The following PAK5 variants were observed in gnomAD, a reference collection of about 807,000 sequenced individuals.
PAK5 encodes the protein p21 (RAC1) activated kinase 5, also known as serine/threonine-protein kinase PAK 5.
PAK5 carries 16 observed loss-of-function variants against 65.9 expected under a neutral mutation model. The observed-to-expected ratio is 0.24, with a 90% confidence interval of 0.16 to 0.37. The LOEUF (loss-of-function observed/expected upper bound fraction) is 0.37, where lower values mean the gene tolerates loss of function less well. Among genes scored for constraint, PAK5 ranks in the 10% least tolerant of loss-of-function variants. The probability of loss-of-function intolerance (pLI) is 1.00; values close to 1 mark genes in which losing one functional copy is unlikely to be tolerated. For synonymous variants in PAK5, 371 were observed against 354.9 expected, an observed-to-expected ratio of 1.05 and a Z score of -0.51; for missense variants, 785 against 903.9, an observed-to-expected ratio of 0.87 and a Z score of 1.69.
chr20:9,778,936 C>T (rs377255216), intron 1 of PAK5, among the ~76,000 whole-genome samples: 5 of 152,266 alleles, frequency 3.3e-5, no homozygotes, highest in Middle Eastern at 3.4e-3. Flanking sequence ...CTTCCCTACA[C>T]GTAATCTTTC....
chr20:9,716,782 C>A (rs1012895563), intron 1 of PAK5, among the ~76,000 whole-genome samples: 2 of 152,076 alleles, frequency 1.3e-5, no homozygotes, highest in Non-Finnish European at 2.9e-5. Flanking sequence ...CCATTACTGA[C>A]TTTTAAAAAG....
intron 3 of PAK5, among the ~76,000 whole-genome samples, chr20:9,634,505 G>A (rs1429228395): frequency 6.6e-6 from 1 of 152,188 alleles, no homozygotes; most frequent in South Asian, 2.1e-4. Context: ...TGTAAACAAA[G>A]TTGGTTCTTA....
chr20:9,713,409 T>C (rs1216585224), intron 1 of PAK5, among the ~76,000 whole-genome samples: 1 of 152,068 alleles, frequency 6.6e-6, no homozygotes, highest in African/African-American at 2.4e-5. Flanking sequence ...TTGTATGCTG[T>C]TGGTGGGAAT....
chr20:9,542,603 C>A lies in PAK5; in HGVS notation c.1987G>T (p.Val663Leu). The change falls in exon 9 of 10, where the codon GTG becomes TTG. Residue 663 changes from valine (V) to leucine (L), a missense_variant. Around this residue, in one of 4 missense-constraint regions of PAK5, gnomAD observed 110 missense variants for 107.4 expected, o/e 1.02. Coordinates refer to ENST00000353224, the MANE Select transcript of PAK5 (RefSeq NM_177990.4). ...TTTCTCACCTTGTGTAGGTCCTTCACTCTTGGAGGTAAACTGTCCCGGATC... is the reference window on the plus strand; with the variant it reads ...TTTCTCACCTTGTGTAGGTCCTTCAATCTTGGAGGTAAACTGTCCCGGATC... ...RRIRDSLPPR[V>L]KDLHKVSSVL... 1 of 1,613,954 alleles carries A rather than the reference C, an allele frequency of 6.2e-7. No homozygotes were observed. Among genetic ancestry groups the A allele is most frequent in the Non-Finnish European group, 8.5e-7 (1 of 1,179,960 alleles).
intron 3 of PAK5, among the ~76,000 whole-genome samples, chr20:9,612,210 G>A (rs1205015015): frequency 2.6e-5 from 4 of 152,086 alleles, no homozygotes; most frequent in African/African-American, 7.2e-5. Flanking sequence ...TCCTACACGC[G>A]GCTCCAGTTC....
chr20:9,545,217 C>A (rs575237351), intron 7 of PAK5, among the ~76,000 whole-genome samples: 1 of 152,260 alleles, frequency 6.6e-6, no homozygotes, highest in Admixed American at 6.5e-5. Flanking sequence ...CCTTAGATAT[C>A]ATCAAGGAGG....
At chr20:9,585,956 A>G (rs2046061064) in intron 3 of PAK5, among the ~76,000 whole-genome samples, 1 of 152,216 alleles carries the variant, frequency 6.6e-6, no homozygotes, top group African/African-American at 2.4e-5. Context: ...TCTAGGAGGA[A>G]GCAATAGATG....
At chr20:9,586,032 A>T (rs1023914441) in intron 3 of PAK5, among the ~76,000 whole-genome samples, 9 of 152,204 alleles carry the variant, frequency 5.9e-5, no homozygotes, top group Non-Finnish European at 8.8e-5. Flanking sequence ...TGAGGCTCAG[A>T]GGTGATCTGT....
Position 9,786,000 on chromosome 20 carries a change from C to T in PAK5, c.-162+52762G>A, listed in dbSNP as rs979841551. Among the ~76,000 whole-genome samples the T allele has an allele frequency of 2.0e-5, 3 of 152,100 alleles. No individual in the cohort carries two copies. In the East Asian group the frequency reaches 5.8e-4, roughly 29 times the overall value. ...ACTGCTCTAGGGGGCTTCACGCTTC[C>T]CATCTGTCCATCTTCCATTCTTAGT... is the stretch of plus-strand genomic sequence containing the variant. On this transcript the variant is annotated intron_variant, in intron 1 of 9. Transcript: ENST00000353224.
At chr20:9,803,031 T>A (rs2049190856) in intron 1 of PAK5, among the ~76,000 whole-genome samples, 1 of 149,086 alleles carries the variant, frequency 6.7e-6, no homozygotes, top group African/African-American at 2.5e-5. Flanking sequence ...GCCACTAAGG[T>A]GCTGCACTAA....
intron 7 of PAK5, among the ~76,000 whole-genome samples, chr20:9,554,923 G>A (rs1316426947): frequency 2.0e-5 from 3 of 152,078 alleles, no homozygotes; most frequent in Non-Finnish European, 2.9e-5. Context: ...CTGCTGTAAC[G>A]CCACCACATC....
At chr20:9,646,102 AT>A (rs1387945423) in intron 2 of PAK5, among the ~76,000 whole-genome samples, 2 of 152,196 alleles carry the variant, frequency 1.3e-5, no homozygotes, top group Non-Finnish European at 2.9e-5. Context: ...TGAACAGCAC[AT>A]TTATTCAGTA....
chr20:9,750,438 T>C (rs1187444321), intron 1 of PAK5, among the ~76,000 whole-genome samples: 1 of 152,118 alleles, frequency 6.6e-6, no homozygotes, highest in East Asian at 1.9e-4. Context: ...TCTAAATAAA[T>C]CCTCTCAATA....
intron 3 of PAK5, among the ~76,000 whole-genome samples, chr20:9,641,774 C>T (rs551860567): frequency 2.2e-4 from 33 of 152,246 alleles, no homozygotes; most frequent in South Asian, 1.0e-3. Context: ...TCGAGCACAG[C>T]GCCGGTGGGC....
intron 1 of PAK5, among the ~76,000 whole-genome samples, chr20:9,802,910 G>GTGTGTGTATATA (rs142279832): frequency 8.6e-5 from 4 of 46,364 alleles, no homozygotes; most frequent in Non-Finnish European, 1.5e-4. Flanking sequence ...ATATGTATGT[G>GTGTGTGTATATA]TATATATATA....
At chr20:9,686,642 C>A (rs1169845842) in intron 2 of PAK5, among the ~76,000 whole-genome samples, 1 of 152,184 alleles carries the variant, frequency 6.6e-6, no homozygotes, top group Non-Finnish European at 1.5e-5. Flanking sequence ...GACCTAGGAA[C>A]AGTAAAGGCT....
At chr20:9,827,820 T>A (rs1978386794) in intron 1 of PAK5, among the ~76,000 whole-genome samples, 1 of 151,906 alleles carries the variant, frequency 6.6e-6, no homozygotes, top group Non-Finnish European at 1.5e-5. Context: ...GTTTTTTAGG[T>A]TGCAATTTAT....
At chr20:9,822,887 G>A (rs182429771) in intron 1 of PAK5, among the ~76,000 whole-genome samples, 1 of 152,290 alleles carries the variant, frequency 6.6e-6, no homozygotes, top group Non-Finnish European at 1.5e-5. Context: ...TCCCCTTTGG[G>A]TGGACTGATT....
intron 3 of PAK5, among the ~76,000 whole-genome samples, chr20:9,634,411 A>C (rs1279725203): frequency 6.6e-6 from 1 of 152,240 alleles, no homozygotes; most frequent in Non-Finnish European, 1.5e-5. Flanking sequence ...TTTTTAGAGT[A>C]ATAACTAGGC....
Sources: allele counts gnomAD v4.1 joint callset (sites outside exome capture counted in the v4.1 genomes callset), GRCh38; gene constraint gnomAD v4.1.1; regional missense constraint gnomAD v4.1.1; transcripts MANE v1.5; gene names NCBI Gene and HGNC (gene_info 2026-07-23, HGNC 2026-07-21).